The following RAB31 variants were observed in gnomAD, a reference collection of about 807,000 sequenced individuals.
RAB31 encodes the protein RAB31, member RAS oncogene family, also known as ras-related protein Rab-31.
Under a neutral mutation model 25.6 loss-of-function variants are expected in RAB31, and 21 were observed. The ratio of observed to expected loss-of-function variants is 0.82; its 90% CI spans 0.58 to 1.18. The LOEUF is 1.18. Ranked by LOEUF, RAB31 falls within the 50% of genes most tolerant of loss-of-function variation. The probability of loss-of-function intolerance (pLI) is 0.00; values close to 1 mark genes in which losing one functional copy is unlikely to be tolerated. For synonymous variants in RAB31, 87 were observed against 84.0 expected (o/e 1.04, Z -0.20); for missense variants, 196 against 250.1 (o/e 0.78, Z 1.46).
chr18:9,803,032 G>A (rs766603557), intron 3 of RAB31, among the ~76,000 whole-genome samples: 43 of 152,186 alleles, frequency 2.8e-4, no homozygotes, highest in Admixed American at 3.3e-4. Flanking sequence ...TCTCCTGCAG[G>A]CATTGGAAAT....
chr18:9,839,850 G>C (rs2068723726), intron 5 of RAB31, among the ~76,000 whole-genome samples: 1 of 152,196 alleles, frequency 6.6e-6, no homozygotes, highest in Non-Finnish European at 1.5e-5. Context: ...TCCTGACTCA[G>C]TGCTTTCATT....
intron 5 of RAB31, among the ~76,000 whole-genome samples, chr18:9,828,492 C>T (rs2068661489): frequency 6.6e-6 from 1 of 152,188 alleles, no homozygotes; most frequent in Admixed American, 6.5e-5. Context: ...AGCTGGAAAC[C>T]AGGGTGAGCC....
At chr18:9,804,300 A>G (rs2068528843) in intron 3 of RAB31, among the ~76,000 whole-genome samples, 1 of 152,116 alleles carries the variant, frequency 6.6e-6, no homozygotes, top group Non-Finnish European at 1.5e-5. Context: ...CTAGATGAAC[A>G]CCTTCCCAGG....
intron 5 of RAB31, among the ~76,000 whole-genome samples, chr18:9,826,380 T>TACAA (rs201178365): frequency 0.015 from 2,348 of 151,848 alleles, 51 homozygotes; most frequent in East Asian, 0.11. Context: ...TGTCTCAAAA[T>TACAA]ACAAACAAAC....
intron 3 of RAB31, among the ~76,000 whole-genome samples, chr18:9,804,283 G>A (rs142717671): frequency 7.8e-4 from 119 of 152,328 alleles, no homozygotes; most frequent in African/African-American, 2.8e-3. Context: ...GAGGTACAGT[G>A]ACTGCGCTAG....
chr18:9,714,290 G>A lies in RAB31; in HGVS notation c.39+5846G>A, dbSNP rs1384407585. Among the ~76,000 whole-genome samples the A allele has an allele frequency of 2.6e-5, 4 of 152,192 alleles. No individual in the cohort carries two copies. The East Asian group carries it at 5.8e-4, about 22-fold the overall frequency. ...CGGGGGATGGTTTTAGGATGAAACT[G>A]TTCCACGTCAGATCATCAGGCATTA... is the stretch of plus-strand genomic sequence containing the variant. On this transcript the variant is annotated intron_variant, in intron 1 of 6. Coordinates refer to ENST00000578921, the MANE Select transcript of RAB31 (RefSeq NM_006868.4).
intron 5 of RAB31, 69 bp from the exon 6 acceptor site, chr18:9,845,513 G>A: frequency 7.4e-7 from 1 of 1,352,250 alleles, no homozygotes; most frequent in Non-Finnish European, 9.8e-7. Flanking sequence ...CAAGCTGTCT[G>A]GTCTTTTGGG....
Position 9,860,026 on chromosome 18 carries a change from G to A in RAB31, c.*701G>A, listed in dbSNP as rs918976725. The A allele has an allele frequency of 6.6e-6, 1 of 152,182 alleles. No homozygotes were observed. The highest frequency in any genetic ancestry group is 1.5e-5 in the Non-Finnish European group (1 of 68,024). 9.4% of individuals were successfully genotyped at this position (152,182 alleles called of 1,614,324 possible). On this transcript the variant is annotated 3_prime_UTR_variant, in exon 7 of 7. Transcript: ENST00000578921. The stretch of plus-strand genomic sequence containing the variant: ...CTGCATATAATTTTGGGATTGGGTG[G>A]CCTAGTTTGAAAGAGTGATTTAAGT...
chr18:9,848,675 C>G (rs532480527), intron 6 of RAB31, among the ~76,000 whole-genome samples: 10 of 152,302 alleles, frequency 6.6e-5, no homozygotes, highest in African/African-American at 2.4e-4. Flanking sequence ...CACCTAGGCT[C>G]CCCAAAGCAA....
At chr18:9,721,144 A>T (rs758382023) in intron 1 of RAB31, among the ~76,000 whole-genome samples, 10 of 152,256 alleles carry the variant, frequency 6.6e-5, no homozygotes, top group Non-Finnish European at 1.5e-4. Context: ...TTAGGGTTCT[A>T]CAGGTTTTCT....
chr18:9,744,490 A>G (rs139942536), intron 1 of RAB31, among the ~76,000 whole-genome samples: 1,852 of 152,266 alleles, frequency 0.012, 13 homozygotes, highest in African/African-American at 0.026. Flanking sequence ...AATCTTTGAC[A>G]TGTTCATTTT....
intron 5 of RAB31, among the ~76,000 whole-genome samples, chr18:9,839,006 C>T (rs2068718940): frequency 1.3e-5 from 2 of 152,226 alleles, no homozygotes; most frequent in South Asian, 4.1e-4. Flanking sequence ...TCAGCAGATG[C>T]TTACTGATTG....
chr18:9,731,832 G>A (rs1054753933), intron 1 of RAB31, among the ~76,000 whole-genome samples: 2 of 152,050 alleles, frequency 1.3e-5, no homozygotes, highest in Non-Finnish European at 2.9e-5. Flanking sequence ...CTGGCCTCAA[G>A]TGATCTGCCT....
At chr18:9,837,368 GACTT>G (rs1301228847) in intron 5 of RAB31, among the ~76,000 whole-genome samples, 2 of 152,130 alleles carry the variant, frequency 1.3e-5, no homozygotes, top group African/African-American at 2.4e-5. Context: ...GAAATCATGA[GACTT>G]ACAGAAGACA....
intron 6 of RAB31, among the ~76,000 whole-genome samples, chr18:9,850,471 T>C (rs1317947084): frequency 6.6e-6 from 1 of 152,152 alleles, no homozygotes; most frequent in Non-Finnish European, 1.5e-5. Context: ...TTTAAAAGTA[T>C]TTTAACTTTT....
chr18:9,745,842 AG>A (rs1266073908), intron 1 of RAB31, among the ~76,000 whole-genome samples: 1 of 152,246 alleles, frequency 6.6e-6, no homozygotes, highest in African/African-American at 2.4e-5. Flanking sequence ...AAGACTTGAA[AG>A]CGTTTCCTCA....
intron 1 of RAB31, among the ~76,000 whole-genome samples, chr18:9,731,777 G>A (rs1041475359): frequency 6.6e-6 from 1 of 151,720 alleles, no homozygotes; most frequent in African/African-American, 2.4e-5. Context: ...TGTATTTTTA[G>A]TACAGACAGG....
At chr18:9,783,488 G>A (rs541514495) in intron 2 of RAB31, among the ~76,000 whole-genome samples, 1 of 152,240 alleles carries the variant, frequency 6.6e-6, no homozygotes, top group African/African-American at 2.4e-5. Context: ...AAGGGTAGTA[G>A]GGTTGCTGTA....
chr18:9,810,474 T>G (rs1434512047), intron 3 of RAB31, among the ~76,000 whole-genome samples: 2 of 152,248 alleles, frequency 1.3e-5, no homozygotes, highest in African/African-American at 4.8e-5. Flanking sequence ...AAGATCACCC[T>G]TTGGTCAATG....
Sources: allele counts gnomAD v4.1 joint callset (sites outside exome capture counted in the v4.1 genomes callset), GRCh38; gene constraint gnomAD v4.1.1; transcripts MANE v1.5; gene names NCBI Gene and HGNC (gene_info 2026-07-23, HGNC 2026-07-21).